The following PARP4 variants were observed in gnomAD, a reference collection of about 807,000 sequenced individuals.
The protein encoded by PARP4 is protein mono-ADP-ribosyltransferase PARP4.
In PARP4, 120 loss-of-function variants were observed where a neutral mutation model predicts 187.7. The ratio of observed to expected loss-of-function variants is 0.64; its 90% CI spans 0.55 to 0.74. PARP4 has a LOEUF of 0.74. Ranked by LOEUF, PARP4 falls within the 30% of genes least tolerant of loss-of-function variation. The pLI is 0.00. For missense variants in PARP4, 1,836 were observed against 2,070.5 expected (o/e 0.89, Z 2.20); for synonymous variants, 654 against 740.9 (o/e 0.88, Z 1.90).
At position 24,434,907 on chromosome 13, in the gene PARP4, CA is replaced by C. The variant is rs777044194; in HGVS notation, c.4233del (p.Ala1412LeufsTer60). 1 of 1,614,096 alleles carries C rather than the reference CA, an allele frequency of 6.2e-7. No homozygotes were observed. The highest frequency in any genetic ancestry group is 1.1e-5 in the South Asian group (1 of 91,078). On this transcript the variant is annotated frameshift_variant, in exon 31 of 34. Coordinates refer to ENST00000381989, the MANE Select transcript of PARP4 (RefSeq NM_006437.4). LOFTEE classifies it high-confidence loss of function. Reference protein sequence around the residue: ...FSGSSLSSAQSAPLQHPGGFT... With the variant: ...FSGSSLSSAQXAPLQHPGGFT... ...AAGCCTCCAGGATGTTGCAGTGGAG[CA>C]GACTGTGCAGAGCTTAATGAGCTCC...
At chr13:24,499,911 G>A (rs1869178009) in intron 4 of PARP4, among the ~76,000 whole-genome samples, 1 of 152,048 alleles carries the variant, frequency 6.6e-6, no homozygotes, top group Admixed American at 6.6e-5. Flanking sequence ...AAACCATATA[G>A]AACTTTAGAC....
At chr13:24,502,230 A>T (rs944034545) in intron 2 of PARP4, among the ~76,000 whole-genome samples, 1 of 151,920 alleles carries the variant, frequency 6.6e-6, no homozygotes, top group Admixed American at 6.6e-5. Flanking sequence ...TTTTTTGTAG[A>T]GATAGGGTCT....
At chr13:24,499,954 T>C (rs1405636992) in intron 4 of PARP4, among the ~76,000 whole-genome samples, 1 of 152,168 alleles carries the variant, frequency 6.6e-6, no homozygotes, top group Admixed American at 6.5e-5. Context: ...GCTGTTGTTA[T>C]TTCCATTTTT....
intron 12 of PARP4, 93 bp downstream of exon 12, chr13:24,484,560 G>T: frequency 1.2e-6 from 1 of 807,192 alleles, no homozygotes; most frequent in Non-Finnish European, 2.2e-6. Flanking sequence ...ATAAATCTGT[G>T]TTTTGGTTGA....
intron 5 of PARP4, 42 bp downstream of exon 5, chr13:24,499,259 G>A: frequency 7.1e-7 from 1 of 1,416,886 alleles, no homozygotes; most frequent in African/African-American, 1.5e-5. Flanking sequence ...TCAAACAGGT[G>A]TGTTTTTTTT....
intron 1 of PARP4, among the ~76,000 whole-genome samples, chr13:24,511,816 T>G (rs1870033387): frequency 1.3e-5 from 2 of 152,258 alleles, no homozygotes; most frequent in Non-Finnish European, 1.5e-5. Flanking sequence ...AAAAGCCTTC[T>G]GACACTATTT....
chr13:24,480,276 T>G (rs1195087064), intron 12 of PARP4, among the ~76,000 whole-genome samples: 1 of 152,236 alleles, frequency 6.6e-6, no homozygotes, highest in Non-Finnish European at 1.5e-5. Flanking sequence ...ACTGCTCCAC[T>G]GACCAGTGGT....
intron 17 of PARP4, among the ~76,000 whole-genome samples, chr13:24,465,194 T>C (rs1720565082): frequency 6.6e-6 from 1 of 152,066 alleles, no homozygotes; most frequent in South Asian, 2.1e-4. Flanking sequence ...TTGGTGGGAG[T>C]GTAAATTAGT....
chr13:24,473,416 G>A (rs763008567), intron 15 of PARP4, among the ~76,000 whole-genome samples: 1 of 152,158 alleles, frequency 6.6e-6, no homozygotes, highest in Non-Finnish European at 1.5e-5. Context: ...TCTAAATTGA[G>A]TCTTTGGAGA....
chr13:24,492,910 T>C (rs1397555961), intron 8 of PARP4, among the ~76,000 whole-genome samples: 2 of 152,238 alleles, frequency 1.3e-5, no homozygotes, highest in East Asian at 3.9e-4. Flanking sequence ...ATAGACTTGC[T>C]TTTCACATGA....
At chr13:24,490,309 G>A (rs1341831291) in intron 10 of PARP4, among the ~76,000 whole-genome samples, 5 of 152,168 alleles carry the variant, frequency 3.3e-5, no homozygotes, top group Non-Finnish European at 5.9e-5. Flanking sequence ...TCATGCCACA[G>A]AGAGGCCACG....
intron 20 of PARP4, among the ~76,000 whole-genome samples, chr13:24,456,913 AAAC>A (rs899740469): frequency 5.9e-5 from 9 of 152,238 alleles, no homozygotes; most frequent in African/African-American, 2.2e-4. Context: ...AACAAAAACA[AAAC>A]AAAACAAAAC....
At chr13:24,502,907 A>G (rs1369821045) in intron 2 of PARP4, among the ~76,000 whole-genome samples, 7 of 152,230 alleles carry the variant, frequency 4.6e-5, no homozygotes, top group Admixed American at 3.3e-4. Context: ...GAGGCTCACA[A>G]TGGCCAAGCC....
intron 30 of PARP4, among the ~76,000 whole-genome samples, chr13:24,439,272 A>G (rs1157691105): frequency 6.6e-6 from 1 of 151,682 alleles, no homozygotes; most frequent in Non-Finnish European, 1.5e-5. Context: ...GGCTGCGGTG[A>G]ACTATGATGG....
At chr13:24,454,549 T>C (rs998771950) in intron 22 of PARP4, among the ~76,000 whole-genome samples, 2 of 152,192 alleles carry the variant, frequency 1.3e-5, no homozygotes, top group Non-Finnish European at 2.9e-5. Flanking sequence ...GACCATTCCT[T>C]ATAGATTTTC....
At chr13:24,504,417 G>C (rs9581091) in intron 1 of PARP4, among the ~76,000 whole-genome samples, 1 of 145,550 alleles carries the variant, frequency 6.9e-6, no homozygotes, top group East Asian at 2.1e-4. Context: ...TGGTTCAAGC[G>C]ATTCCCCTGC....
In PARP4 at chr13:24,442,445, T is replaced by G. The variant is rs1172642709; in HGVS notation, c.3543+145A>C. The G allele has an allele frequency of 3.6e-5, 22 of 616,104 alleles. No individual in the cohort carries two copies. In the East Asian group the frequency reaches 6.0e-4, roughly 17 times the overall value. 38.2% of individuals were successfully genotyped at this position (616,104 alleles called of 1,614,324 possible). On this transcript the variant is annotated intron_variant, in intron 29 of 33. Coordinates refer to ENST00000381989, the MANE Select transcript of PARP4 (RefSeq NM_006437.4). ...CCCCCCATGAATGGGAGGCTGGGAC[T>G]CGTGGGGCCTGCTGACCTGTCTGCA... is the stretch of plus-strand genomic sequence containing the variant.
chr13:24,478,359 A>G, intron 12 of PARP4, 83 bp from the exon 13 acceptor site: 2 of 860,828 alleles, frequency 2.3e-6, no homozygotes, highest in East Asian at 5.7e-5. Context: ...TTTCCTGGTA[A>G]ACTGTTCTAA....
chr13:24,434,591 G>A lies in PARP4; in HGVS notation c.4550C>T (p.Ala1517Val), dbSNP rs781186298. 23 of 1,612,370 alleles carry A rather than the reference G, an allele frequency of 1.4e-5. No individual in the cohort carries two copies. In the Middle Eastern group the frequency reaches 1.3e-3, roughly 92 times the overall value. ...ACTTTCTGTGTCAGAACTTTGAAAA[G>A]CAAAGACAGGACATCGACTTCCTTC... ...SLEGSRCPVFAFQSSDTESDE... is the reference protein window; with the variant it reads ...SLEGSRCPVFVFQSSDTESDE... Residue 1517 changes from alanine to valine, a missense_variant, in exon 31 of 34, where the codon GCT becomes GTT. Physicochemically the swap from Ala to Val is moderately conservative, Grantham distance 64. Around this residue, in one of 8 missense-constraint regions of PARP4, gnomAD observed 450 missense variants for 439.2 expected, o/e 1.02. Transcript: ENST00000381989.
Sources: allele counts gnomAD v4.1 joint callset (sites outside exome capture counted in the v4.1 genomes callset), GRCh38; gene constraint gnomAD v4.1.1; regional missense constraint gnomAD v4.1.1; transcripts MANE v1.5; gene names NCBI Gene and HGNC (gene_info 2026-07-23, HGNC 2026-07-21).